The following ATG3 variants were observed in gnomAD, a reference collection of about 807,000 sequenced individuals.
ATG3 encodes the protein autophagy related 3, also known as ubiquitin-like-conjugating enzyme ATG3.
In ATG3, 25 loss-of-function variants were observed where a neutral mutation model predicts 50.7. That is an observed-to-expected ratio of 0.49 (90% CI 0.36 to 0.69). The LOEUF is 0.69. ATG3 is among the 30% of genes least tolerant of loss of function. The pLI is 0.00. For missense variants in ATG3, 281 were observed against 376.0 expected, an observed-to-expected ratio of 0.75 and a Z score of 2.09; for synonymous variants, 119 against 125.5, an observed-to-expected ratio of 0.95 and a Z score of 0.34.
intron 10 of ATG3, 73 bp from the exon 11 acceptor site, chr3:112,534,410 T>C: frequency 1.5e-6 from 2 of 1,300,070 alleles, no homozygotes; most frequent in Non-Finnish European, 2.1e-6. Flanking sequence ...TATTTTCATT[T>C]GTAAAGAAAT....
At chr3:112,549,234 A>C (rs1019663361) in intron 4 of ATG3, among the ~76,000 whole-genome samples, 12 of 152,242 alleles carry the variant, frequency 7.9e-5, no homozygotes, top group African/African-American at 2.9e-4. Context: ...TATTATTCAT[A>C]AGCCTAAGAT....
rs772024337 is a variant in ATG3 at position 112,532,715 on chromosome 3, C to T, written c.929G>A (p.Arg310Lys). ...CTCTCTTCATTACATTGTGAAGTGT[C>T]TTGTGTAGTCATATTCTATTGTTGG... The part of the protein sequence containing the change: ...VIPTIEYDYT[R>K]HFTM Residue 310 changes from arginine (R) to lysine (K), a missense_variant, in exon 12 of 12, where the codon AGA becomes AAA. Around this residue, in one of 3 missense-constraint regions of ATG3, gnomAD observed 242 missense variants for 305.0 expected, o/e 0.79. Transcript: ENST00000283290. The T allele has an allele frequency of 6.3e-7, 1 of 1,594,902 alleles. No homozygotes were observed. Among genetic ancestry groups the T allele is most frequent in the Admixed American group, 1.7e-5 (1 of 57,830 alleles).
Position 112,536,464 on chromosome 3 carries a change from C to T in ATG3, c.794+11G>A. 1.9e-6 allele frequency: 3 copies of T among 1,610,524 alleles called. No individual in the cohort carries two copies. Among genetic ancestry groups the T allele is most frequent in the Non-Finnish European group, 2.5e-6 (3 of 1,176,764 alleles). The stretch of plus-strand genomic sequence containing the variant: ...ACATCAAAAAATATATTTATCTCTA[C>T]ATATACAGACCTGCATGGGTGAACT... On this transcript the variant is annotated intron_variant, in intron 10 of 11. Transcript: ENST00000283290.
At chr3:112,552,908 A>G (rs2107386374) in intron 3 of ATG3, among the ~76,000 whole-genome samples, 1 of 152,270 alleles carries the variant, frequency 6.6e-6, no homozygotes, top group South Asian at 2.1e-4. Context: ...AGCCTCCCAA[A>G]GTGCTGGGAT....
chr3:112,534,451 TAATA>T, intron 10 of ATG3, 114 bp from the exon 11 acceptor site: 1 of 652,594 alleles, frequency 1.5e-6, no homozygotes, highest in Non-Finnish European at 2.3e-6. Context: ...AATTAATTTT[TAATA>T]GTTATATTAT....
intron 9 of ATG3, among the ~76,000 whole-genome samples, chr3:112,536,920 C>CAA (rs56353465): frequency 7.3e-5 from 5 of 68,418 alleles, no homozygotes; most frequent in African/African-American, 1.9e-4. Flanking sequence ...GACTCCATCT[C>CAA]AAAAAAAAAA....
chr3:112,561,351 T>A, intron 1 of ATG3, 106 bp downstream of exon 1: 1 of 1,203,756 alleles, frequency 8.3e-7, no homozygotes. Context: ...CCCTACTGCC[T>A]TCCTACACCT....
Position 112,561,683 on chromosome 3 carries a change from C to A in ATG3, c.-155G>T. On this transcript the variant is annotated 5_prime_UTR_variant, in exon 1 of 12. Transcript: ENST00000283290. ...ACGGGACGCGACGCGACGGGACGGG[C>A]GGGACGAGGGGGCGGGGCGGCAGGC... The A allele has an allele frequency of 1.4e-6, 1 of 702,682 alleles. No homozygotes were observed. The highest frequency in any genetic ancestry group is 2.3e-6 in the Non-Finnish European group (1 of 439,270). The allele number at this position is 702,682 out of a possible 1,614,324, so 43.5% of individuals were successfully genotyped here. A position where few individuals can be genotyped will look rare whatever the true frequency, so the allele number is the denominator to read the frequency against.
intron 1 of ATG3, 84 bp from the exon 2 acceptor site, chr3:112,558,501 G>A (rs1228548151): frequency 2.8e-6 from 3 of 1,064,768 alleles, no homozygotes; most frequent in Admixed American, 3.7e-5. Context: ...TTTGCCTGGT[G>A]CCCTTCTAGG....
chr3:112,549,666 G>A lies in ATG3; in HGVS notation c.235+526C>T, dbSNP rs150807109. On this transcript the variant is annotated intron_variant, in intron 4 of 11. Coordinates refer to ENST00000283290, the MANE Select transcript of ATG3 (RefSeq NM_022488.5). Reference sequence around the variant, plus strand: ...TCTACTAAAAATACAAAAATTAGCCGGGCGTGGTGGCAGGCCTGTAATCCC... The same window carrying A: ...TCTACTAAAAATACAAAAATTAGCCAGGCGTGGTGGCAGGCCTGTAATCCC... Among the ~76,000 whole-genome samples, 888 of 151,922 alleles carry A rather than the reference G, an allele frequency of 5.8e-3. 1 individual carries two copies. The highest frequency in any genetic ancestry group is 0.017 in the Middle Eastern group (5 of 294).
intron 1 of ATG3, among the ~76,000 whole-genome samples, chr3:112,558,868 A>G (rs112850126): frequency 0.016 from 2,448 of 151,710 alleles, 62 homozygotes; most frequent in African/African-American, 0.056. Flanking sequence ...TCCTGCCTGT[A>G]GCTGGGATTA....
chr3:112,541,755 C>T (rs1428463758), intron 7 of ATG3, 48 bp downstream of exon 7: 1 of 1,463,888 alleles, frequency 6.8e-7, no homozygotes, highest in South Asian at 1.1e-5. Flanking sequence ...TACAAATATT[C>T]TAAATCAATA....
chr3:112,539,185 C>T (rs1933157033), intron 7 of ATG3, among the ~76,000 whole-genome samples: 1 of 152,156 alleles, frequency 6.6e-6, no homozygotes, highest in Non-Finnish European at 1.5e-5. Flanking sequence ...TCTATTCTCA[C>T]CACTGCACAG....
rs143279491 is a variant in ATG3 at position 112,548,802 on chromosome 3, T to C, written c.236-162A>G. 1.1e-3 allele frequency among the ~76,000 whole-genome samples: 166 copies of C among 152,352 alleles called. 1 individual carries two copies. Among genetic ancestry groups the C allele is most frequent in the Admixed American group, 2.7e-3 (41 of 15,304 alleles). On this transcript the variant is annotated intron_variant, in intron 4 of 11. Transcript: ENST00000283290. ...GTGATTAAGAGTTACATTCAGCTCA[T>C]AGACACATAATTATTTGGCTACATT...
chr3:112,544,248 G>C, intron 5 of ATG3, 142 bp from the exon 6 acceptor site: 1 of 621,580 alleles, frequency 1.6e-6, no homozygotes, highest in Non-Finnish European at 2.8e-6. Flanking sequence ...CTTTACAAAT[G>C]AACTCTAATG....
At chr3:112,545,383 T>C (rs1190973690) in intron 5 of ATG3, among the ~76,000 whole-genome samples, 1 of 152,192 alleles carries the variant, frequency 6.6e-6, no homozygotes, top group Non-Finnish European at 1.5e-5. Context: ...GAATAAGAAA[T>C]ATAGTAAAAC....
At chr3:112,533,007 T>G in intron 11 of ATG3, 1 of 1,175,622 alleles carries the variant, frequency 8.5e-7, no homozygotes, top group Non-Finnish European at 1.1e-6. Context: ...AACTTCTTAA[T>G]GAGTAGGTGT....
intron 1 of ATG3, among the ~76,000 whole-genome samples, chr3:112,560,201 T>C (rs1374324626): frequency 4.6e-5 from 7 of 152,238 alleles, no homozygotes; most frequent in Non-Finnish European, 1.0e-4. Flanking sequence ...GGTGTATTAT[T>C]AAAATACTGT....
intron 10 of ATG3, chr3:112,534,834 T>C (rs1359765832): frequency 4.6e-5 from 7 of 150,786 alleles, no homozygotes; most frequent in Non-Finnish European, 1.0e-4. Flanking sequence ...AAGAGGTATC[T>C]ATAATCTTGT....
Sources: allele counts gnomAD v4.1 joint callset (sites outside exome capture counted in the v4.1 genomes callset), GRCh38; gene constraint gnomAD v4.1.1; regional missense constraint gnomAD v4.1.1; transcripts MANE v1.5; gene names NCBI Gene and HGNC (gene_info 2026-07-23, HGNC 2026-07-21).